MECOM: variants seen among roughly 807,000 people sequenced by gnomAD.
MECOM encodes MDS1 and EVI1 complex locus, also known as histone-lysine N-methyltransferase MECOM.
In MECOM, 13 loss-of-function variants were observed where a neutral mutation model predicts 116.3. The ratio of observed to expected loss-of-function variants is 0.11; its 90% CI spans 0.07 to 0.18. MECOM has a LOEUF of 0.18. MECOM is among the 10% of genes least tolerant of loss of function. The pLI, the probability that MECOM is intolerant of heterozygous loss-of-function variation, is 1.00. For synonymous variants in MECOM, 528 were observed against 535.2 expected, an observed-to-expected ratio of 0.99 and a Z score of 0.19; for missense variants, 1,299 against 1,509.0, an observed-to-expected ratio of 0.86 and a Z score of 2.31.
chr3:169,486,010 A>ATATATACATATATAC (rs1752306185), intron 1 of MECOM, among the ~76,000 whole-genome samples: 1 of 128,520 alleles, frequency 7.8e-6, no homozygotes, highest in African/African-American at 3.1e-5. Context: ...TATATACTAT[A>ATATATACATATATAC]TATATATGTA....
chr3:169,585,167 A>T (rs1161333662), intron 1 of MECOM, among the ~76,000 whole-genome samples: 1 of 152,230 alleles, frequency 6.6e-6, no homozygotes, highest in Non-Finnish European at 1.5e-5. Flanking sequence ...AGCAATGACC[A>T]TCTGTCTTAA....
chr3:169,267,170 T>A (rs1244061520), intron 2 of MECOM, among the ~76,000 whole-genome samples: 1 of 152,230 alleles, frequency 6.6e-6, no homozygotes, highest in African/African-American at 2.4e-5. Flanking sequence ...CAGCAGGAAG[T>A]TAGAAGGATC....
chr3:169,355,683 T>C (rs1727155884), intron 2 of MECOM, among the ~76,000 whole-genome samples: 1 of 151,932 alleles, frequency 6.6e-6, no homozygotes, highest in African/African-American at 2.4e-5. Flanking sequence ...ACATTTTTGC[T>C]CAATTAACTA....
rs185853922 is a variant in MECOM at position 169,411,916 on chromosome 3, G to A, written c.38-30392C>T. On this transcript the variant is annotated intron_variant, in intron 1 of 16. Transcript: ENST00000651503. The stretch of plus-strand genomic sequence containing the variant: ...CGAGGCAGGAGAATCGCTTGAACCC[G>A]GGAGGCAGAAGTTGCAGTGAGCTAA... Among the ~76,000 whole-genome samples, 115 of 151,874 alleles carry A rather than the reference G, an allele frequency of 7.6e-4. 1 individual carries two copies. The East Asian group carries it at 0.016, about 21-fold the overall frequency.
intron 1 of MECOM, among the ~76,000 whole-genome samples, chr3:169,661,804 G>C (rs1255029802): frequency 6.6e-6 from 1 of 152,146 alleles, no homozygotes; most frequent in Non-Finnish European, 1.5e-5. Context: ...CGCGGGGGGA[G>C]ACTGGGATTT....
rs1719188981 is a variant in MECOM at position 169,090,112 on chromosome 3, T to C, written c.3289A>G (p.Thr1097Ala). 9 of 1,613,664 alleles carry C rather than the reference T, an allele frequency of 5.6e-6. No homozygotes were observed. Among genetic ancestry groups the C allele is most frequent in the Non-Finnish European group, 6.8e-6 (8 of 1,179,670 alleles). Residue 1097 changes from threonine to alanine, a missense_variant, in exon 15 of 17, where the codon ACT becomes GCT. By Grantham distance (58) the Thr-to-Ala change is moderately conservative. Coordinates refer to ENST00000651503, the MANE Select transcript of MECOM (RefSeq NM_004991.4). The stretch of plus-strand genomic sequence containing the variant: ...ACTGGTTCCTTTCCTGTTTTTCCAG[T>C]AATATCATTGTCTTCATCCTCCTCA... ...LDEEDEDNDI[T>A]GKTGKEPVTS... is the part of the protein sequence containing the mutation.
intron 2 of MECOM, chr3:169,145,438 A>G (rs1187631611): frequency 4.3e-5 from 10 of 234,684 alleles, no homozygotes; most frequent in Non-Finnish European, 8.4e-5. Flanking sequence ...AAATAGTAAA[A>G]AGTTGGAGTT....
intron 1 of MECOM, among the ~76,000 whole-genome samples, chr3:169,594,170 A>AAAAAAAAAACC (rs1553894632): frequency 5.9e-5 from 7 of 119,412 alleles, no homozygotes; most frequent in African/African-American, 2.7e-4. Flanking sequence ...AAAAAAAAAA[A>AAAAAAAAAACC]AAAAAACACC....
At chr3:169,220,585 C>T (rs1262724724) in intron 2 of MECOM, among the ~76,000 whole-genome samples, 1 of 152,076 alleles carries the variant, frequency 6.6e-6, no homozygotes, top group Non-Finnish European at 1.5e-5. Context: ...AGCGATTCTC[C>T]TGCCCCAGCC....
At chr3:169,214,088 C>A (rs1259325206) in intron 2 of MECOM, among the ~76,000 whole-genome samples, 2 of 152,136 alleles carry the variant, frequency 1.3e-5, no homozygotes, top group Admixed American at 6.6e-5. Flanking sequence ...TGAGTGTCTA[C>A]ACTGCCCCCA....
intron 2 of MECOM, among the ~76,000 whole-genome samples, chr3:169,356,169 G>T (rs926721234): frequency 4.6e-5 from 7 of 151,678 alleles, no homozygotes; most frequent in Non-Finnish European, 5.9e-5. Flanking sequence ...CAAGTGTTGA[G>T]GTGCAATGTA....
intron 1 of MECOM, among the ~76,000 whole-genome samples, chr3:169,424,700 C>G (rs1198615419): frequency 1.3e-5 from 2 of 152,108 alleles, no homozygotes; most frequent in Non-Finnish European, 2.9e-5. Context: ...TATTAGAAAC[C>G]CTTCCCTGAG....
At chr3:169,356,302 A>T (rs956931704) in intron 2 of MECOM, among the ~76,000 whole-genome samples, 4 of 151,938 alleles carry the variant, frequency 2.6e-5, no homozygotes, top group Non-Finnish European at 4.4e-5. Context: ...GAGAAAAAAA[A>T]CCAAGGTATT....
chr3:169,097,028 C>G (rs1407004601), intron 12 of MECOM, among the ~76,000 whole-genome samples: 1 of 151,670 alleles, frequency 6.6e-6, no homozygotes, highest in Non-Finnish European at 1.5e-5. Context: ...TGTTTACCTC[C>G]AAGGCCCACT....
intron 1 of MECOM, among the ~76,000 whole-genome samples, chr3:169,594,243 C>T (rs2109671477): frequency 6.6e-6 from 1 of 151,268 alleles, no homozygotes; most frequent in Admixed American, 6.6e-5. Context: ...AACTAGCTGA[C>T]CCTTTGCTCT....
At chr3:169,571,257 T>A (rs1487514518) in intron 1 of MECOM, among the ~76,000 whole-genome samples, 1 of 152,014 alleles carries the variant, frequency 6.6e-6, no homozygotes, top group Non-Finnish European at 1.5e-5. Context: ...ACAAAGAGAA[T>A]AAAATACCTA....
At chr3:169,473,844 T>A (rs1360286315) in intron 1 of MECOM, among the ~76,000 whole-genome samples, 1 of 152,054 alleles carries the variant, frequency 6.6e-6, no homozygotes, top group Non-Finnish European at 1.5e-5. Flanking sequence ...CAATTACACA[T>A]ATAGCAAAAG....
At chr3:169,294,994 T>G (rs1371405144) in intron 2 of MECOM, among the ~76,000 whole-genome samples, 1 of 152,158 alleles carries the variant, frequency 6.6e-6, no homozygotes, top group Non-Finnish European at 1.5e-5. Context: ...TCTAGAAGAT[T>G]ATCTTTTCTA....
rs370570606 is a variant in MECOM, at chr3:169,588,993, C to T, written c.37+74343G>A. Among the ~76,000 whole-genome samples the T allele has an allele frequency of 1.4e-3, 206 of 152,032 alleles. 4 individuals carry two copies. In the South Asian group the frequency reaches 0.041, roughly 30 times the overall value. On this transcript the variant is annotated intron_variant, in intron 1 of 16. Transcript: ENST00000651503. ...TCTTGTCTTCAAGAACCACCATGTC[C>T]AATTAGAGGGCTGGGAAGTATGACT...
Sources: gnomAD v4.1 joint callset for allele counts (sites outside exome capture counted in the v4.1 genomes callset) on GRCh38, gnomAD v4.1.1 for gene constraint, MANE v1.5 for transcripts, NCBI Gene and HGNC (gene_info 2026-07-23, HGNC 2026-07-21) for gene names.